PRKCD: variants seen among roughly 807,000 people sequenced by gnomAD.
PRKCD encodes the protein protein kinase C delta, also known as protein kinase C delta type.
In PRKCD, 20 loss-of-function variants were observed where a neutral mutation model predicts 82.2. The ratio of observed to expected loss-of-function variants is 0.24; its 90% CI spans 0.17 to 0.35. PRKCD has a LOEUF of 0.35. PRKCD is among the 10% of genes least tolerant of loss of function. The pLI is 1.00. For missense variants in PRKCD, 607 were observed against 899.0 expected (o/e 0.68, Z 4.15); for synonymous variants, 317 against 337.0 (o/e 0.94, Z 0.65).
At chr3:53,172,522 T>C (rs1553665134) in intron 2 of PRKCD, among the ~76,000 whole-genome samples, 2 of 152,274 alleles carry the variant, frequency 1.3e-5, no homozygotes, top group East Asian at 3.9e-4. Flanking sequence ...CACTGTGGAC[T>C]CCCCCAGGCA....
chr3:53,188,090 A>C (rs782666522), intron 15 of PRKCD, among the ~76,000 whole-genome samples: 15 of 145,066 alleles, frequency 1.0e-4, no homozygotes, highest in Non-Finnish European at 1.8e-4. Context: ...CAGGAGGCTG[A>C]GGCAGGAGAA....
intron 4 of PRKCD, 51 bp from the exon 5 acceptor site, chr3:53,181,156 C>T: frequency 1.3e-6 from 2 of 1,592,818 alleles, no homozygotes; most frequent in Non-Finnish European, 1.7e-6. Context: ...TTGGCCTGGC[C>T]CAGGCTGCCC....
rs1457514649 is a variant in PRKCD at position 53,161,314 on chromosome 3, C to T, written c.-246C>T. On this transcript the variant is annotated 5_prime_UTR_variant, in exon 1 of 19. Coordinates refer to ENST00000330452, the MANE Select transcript of PRKCD (RefSeq NM_006254.4). ...GCGCGGAGGCCCGGGCCACACCTCACTGGCCGCTTGGCCCATCCCAGTCAG... is the reference window on the plus strand; with the variant it reads ...GCGCGGAGGCCCGGGCCACACCTCATTGGCCGCTTGGCCCATCCCAGTCAG... 4 of 149,666 alleles carry T rather than the reference C, an allele frequency of 2.7e-5. No homozygotes were observed. Among genetic ancestry groups the T allele is most frequent in the African/African-American group, 9.7e-5 (4 of 41,080 alleles). The allele number at this position is 149,666 out of a possible 1,614,324, so 9.3% of individuals were successfully genotyped here. A position where few individuals can be genotyped will look rare whatever the true frequency, so the allele number is the denominator to read the frequency against.
At chr3:53,182,877 G>A (rs1553668021) in intron 7 of PRKCD, among the ~76,000 whole-genome samples, 1 of 152,126 alleles carries the variant, frequency 6.6e-6, no homozygotes, top group African/African-American at 2.4e-5. Context: ...CTGCCCACTA[G>A]GACTCCTTCT....
chr3:53,189,855 G>T lies in PRKCD; in HGVS notation c.1744-18G>T, dbSNP rs78247478. ...CCATGGCCCTTGGGTGCTAACCAGG[G>T]TCCCTGCTGGGTTGCAGCTCTTTGA... is the stretch of plus-strand genomic sequence containing the variant. On this transcript the variant is annotated intron_variant, in intron 17 of 18. Transcript: ENST00000330452. The T allele has an allele frequency of 2.5e-6, 4 of 1,613,966 alleles. No individual in the cohort carries two copies. Among genetic ancestry groups the T allele is most frequent in the Non-Finnish European group, 3.4e-6 (4 of 1,179,964 alleles).
chr3:53,185,556 C>T, intron 10 of PRKCD, 48 bp from the exon 11 acceptor site: 1 of 1,517,088 alleles, frequency 6.6e-7, no homozygotes. Flanking sequence ...GCTGGGAGTT[C>T]TGATAATGGT....
chr3:53,186,218 CTCAAGAAGGATGTGG>C lies in PRKCD; in HGVS notation c.1141_1155del (p.Lys381_Val385del). The C allele has an allele frequency of 6.2e-7, 1 of 1,614,146 alleles. No homozygotes were observed. The highest frequency in any genetic ancestry group is 8.5e-7 in the Non-Finnish European group (1 of 1,180,006). The stretch of plus-strand genomic sequence containing the variant: ...AGGAGAGTACTTTGCCATCAAGGCC[CTCAAGAAGGATGTGG>C]TCCTGATCGACGACGACGTGGAGTG... On this transcript the variant is annotated inframe_deletion, in exon 13 of 19. Transcript: ENST00000330452.
At chr3:53,168,495 T>C (rs1436511038) in intron 2 of PRKCD, among the ~76,000 whole-genome samples, 2 of 152,020 alleles carry the variant, frequency 1.3e-5, no homozygotes, top group Non-Finnish European at 2.9e-5. Context: ...CCTGAAGGCT[T>C]AGGAGCAGGA....
At chr3:53,184,740 G>T (rs965349387) in intron 9 of PRKCD, 134 bp from the exon 10 acceptor site, 40 of 580,388 alleles carry the variant, frequency 6.9e-5, no homozygotes, top group Non-Finnish European at 9.8e-5. Flanking sequence ...TCAGATCAAT[G>T]TTTTCCTAGA....
At chr3:53,183,776 A>G (rs1553668335) in intron 9 of PRKCD, among the ~76,000 whole-genome samples, 195 bp downstream of exon 9, 2 of 152,162 alleles carry the variant, frequency 1.3e-5, no homozygotes, top group Non-Finnish European at 2.9e-5. Context: ...CTGTGTGACC[A>G]CAGGTGGGCG....
rs1178268770 is a variant in PRKCD at position 53,186,766 on chromosome 3, T to G, written c.1352+71T>G. ...CTACTGGCTCAGAGCCCACTTCCAG[T>G]CTGCCCTCCATGCCTTCTTCCCTCT... On this transcript the variant is annotated intron_variant, in intron 14 of 18. Transcript: ENST00000330452. 4 of 1,423,008 alleles carry G rather than the reference T, an allele frequency of 2.8e-6. No homozygotes were observed. In the African/African-American group the frequency reaches 5.7e-5, roughly 20 times the overall value. 88.1% of individuals were successfully genotyped at this position (1,423,008 alleles called of 1,614,324 possible). A position where few individuals can be genotyped will look rare whatever the true frequency, so the allele number is the denominator to read the frequency against.
intron 8 of PRKCD, 117 bp from the exon 9 acceptor site, chr3:53,183,335 T>C: frequency 6.4e-7 from 1 of 1,562,276 alleles, no homozygotes; most frequent in Non-Finnish European, 8.8e-7. Context: ...TTTCCTTGCC[T>C]CTCCCAGTGG....
rs1433810595 is a variant in PRKCD, at chr3:53,192,418, A to G, written c.*152A>G. On this transcript the variant is annotated 3_prime_UTR_variant, in exon 19 of 19. Transcript: ENST00000330452. Reference sequence around the variant, plus strand: ...TGCCGTCTGGCCGGGCTCTCATGGTACTTCCTCTGTGAACTGTGTGTGAAT... The same window carrying G: ...TGCCGTCTGGCCGGGCTCTCATGGTGCTTCCTCTGTGAACTGTGTGTGAAT... 1 of 807,202 alleles carries G rather than the reference A, an allele frequency of 1.2e-6. No homozygotes were observed. The highest frequency in any genetic ancestry group is 2.0e-6 in the Non-Finnish European group (1 of 504,666). 50.0% of individuals were successfully genotyped at this position (807,202 alleles called of 1,614,324 possible). A position where few individuals can be genotyped will look rare whatever the true frequency, so the allele number is the denominator to read the frequency against.
intron 2 of PRKCD, among the ~76,000 whole-genome samples, chr3:53,174,657 T>A (rs1479684908): frequency 6.6e-6 from 1 of 151,864 alleles, no homozygotes; most frequent in Non-Finnish European, 1.5e-5. Flanking sequence ...GGTCACACAG[T>A]GATGGAAGAA....
chr3:53,163,809 A>AG (rs1438174814), intron 1 of PRKCD, among the ~76,000 whole-genome samples: 1 of 151,844 alleles, frequency 6.6e-6, no homozygotes, highest in Non-Finnish European at 1.5e-5. Flanking sequence ...AGCTTGAGGG[A>AG]GGGGGGATGC....
chr3:53,181,438 C>T lies in PRKCD; in HGVS notation c.377-6C>T. 6.2e-7 allele frequency: 1 copy of T among 1,614,146 alleles called. No individual in the cohort carries two copies. Among genetic ancestry groups the T allele is most frequent in the Non-Finnish European group, 8.5e-7 (1 of 1,179,984 alleles). On this transcript the variant is annotated splice_region_variant and splice_polypyrimidine_tract_variant and intron_variant, in intron 5 of 18. Coordinates refer to ENST00000330452, the MANE Select transcript of PRKCD (RefSeq NM_006254.4). The stretch of plus-strand genomic sequence containing the variant: ...AGGGCTGACTTCCCTACTCCATGGT[C>T]ACCAGATTGCAAACAGTCTATGCGC...
At chr3:53,180,276 G>C (rs189566823) in intron 4 of PRKCD, among the ~76,000 whole-genome samples, 169 of 152,350 alleles carry the variant, frequency 1.1e-3, no homozygotes, top group Admixed American at 4.5e-3. Flanking sequence ...CATTATCCCA[G>C]TTCTTTTTGG....
intron 10 of PRKCD, 55 bp downstream of exon 10, chr3:53,185,029 A>C: frequency 6.7e-7 from 1 of 1,502,578 alleles, no homozygotes; most frequent in Non-Finnish European, 9.3e-7. Context: ...AGGGACAGTC[A>C]AGGCTTACAG....
intron 4 of PRKCD, among the ~76,000 whole-genome samples, chr3:53,180,756 C>G (rs911523916): frequency 2.0e-5 from 3 of 152,122 alleles, no homozygotes; most frequent in African/African-American, 7.2e-5. Context: ...GTCCCACCCT[C>G]GAGACTGTCC....
Sources: gnomAD v4.1 joint callset for allele counts (sites outside exome capture counted in the v4.1 genomes callset) on GRCh38, gnomAD v4.1.1 for gene constraint, MANE v1.5 for transcripts, NCBI Gene and HGNC (gene_info 2026-07-23, HGNC 2026-07-21) for gene names.